SYNJ2: variants seen among roughly 807,000 people sequenced by gnomAD.
The protein encoded by SYNJ2 is synaptojanin 2.
Under a neutral mutation model 141.3 loss-of-function variants are expected in SYNJ2, and 116 were observed. The ratio of observed to expected loss-of-function variants is 0.82; its 90% confidence interval spans 0.71 to 0.96. The LOEUF is 0.96. SYNJ2 is among the 40% of genes least tolerant of loss of function. The probability of loss-of-function intolerance (pLI) is 0.00; values close to 1 mark genes in which losing one functional copy is unlikely to be tolerated. For synonymous variants in SYNJ2, 745 were observed against 777.7 expected, an observed-to-expected ratio of 0.96 and a Z score of 0.70; for missense variants, 1,873 against 1,934.8, an observed-to-expected ratio of 0.97 and a Z score of 0.60.
intron 7 of SYNJ2, chr6:158,059,591 G>A: frequency 8.3e-7 from 1 of 1,211,624 alleles, no homozygotes; most frequent in Non-Finnish European, 1.0e-6. Flanking sequence ...TTTGGCTCTT[G>A]TCGCTCAGGC....
At chr6:158,032,980 A>G (rs1779446750) in intron 3 of SYNJ2, among the ~76,000 whole-genome samples, 1 of 152,246 alleles carries the variant, frequency 6.6e-6, no homozygotes, top group South Asian at 2.1e-4. Context: ...ATATGTGGAT[A>G]ATTTAAATAA....
At chr6:158,059,475 G>A (rs1459424465) in intron 7 of SYNJ2, 122 bp downstream of exon 7, 38 of 1,488,794 alleles carry the variant, frequency 2.6e-5, no homozygotes, top group Non-Finnish European at 2.9e-5. Context: ...TTCGTTTCCT[G>A]AGGCTTCCCC....
chr6:157,991,451 G>T (rs139905260), intron 1 of SYNJ2, among the ~76,000 whole-genome samples: 1 of 152,164 alleles, frequency 6.6e-6, no homozygotes, highest in East Asian at 1.9e-4. Context: ...CCAGGATCTC[G>T]CATCAGCTTG....
At chr6:158,011,986 C>G (rs1404886477) in intron 1 of SYNJ2, among the ~76,000 whole-genome samples, 1 of 152,134 alleles carries the variant, frequency 6.6e-6, no homozygotes, top group African/African-American at 2.4e-5. Flanking sequence ...GCTGATTTAC[C>G]TCTCTGCAGC....
chr6:158,055,185 G>A (rs184047768), intron 6 of SYNJ2, among the ~76,000 whole-genome samples, 157 bp downstream of exon 6: 49 of 152,310 alleles, frequency 3.2e-4, no homozygotes, highest in Admixed American at 2.5e-3. Context: ...GAAGGGAGAT[G>A]ACAAAATGGG....
rs527579427 is a variant in SYNJ2, at chr6:158,033,346, G to A, written c.486-109G>A. 509 of 1,220,022 alleles carry A rather than the reference G, an allele frequency of 4.2e-4. No individual in the cohort carries two copies. The East Asian group carries it at 7.6e-3, about 18-fold the overall frequency. The allele number at this position is 1,220,022 out of a possible 1,614,324, so 75.6% of individuals were successfully genotyped here. ...GGGAGCAGCATGCATTCGCTGACCC[G>A]AAATGCTGCACCGTGCGCCCCCCAG... is the stretch of plus-strand genomic sequence containing the variant. On this transcript the variant is annotated intron_variant, in intron 3 of 26. Transcript: ENST00000355585.
chr6:158,056,358 C>A (rs1420757201), intron 6 of SYNJ2, among the ~76,000 whole-genome samples: 1 of 152,176 alleles, frequency 6.6e-6, no homozygotes, highest in Non-Finnish European at 1.5e-5. Context: ...ATTCCTAAAT[C>A]TAGGGGTACA....
rs1176784842 is a variant in SYNJ2, at chr6:158,063,778, T to G, written c.1128-13T>G. 6.2e-7 allele frequency: 1 copy of G among 1,611,108 alleles called. No homozygotes were observed. Among genetic ancestry groups the G allele is most frequent in the Non-Finnish European group, 8.5e-7 (1 of 1,178,128 alleles). ...AACAACATATAACCGTTTACATTTC[T>G]TCTTGTCCTAAGTTTTCAGAAAGGC... On this transcript the variant is annotated splice_polypyrimidine_tract_variant and intron_variant, in intron 8 of 26. Transcript: ENST00000355585.
intron 4 of SYNJ2, among the ~76,000 whole-genome samples, chr6:158,036,436 T>G (rs542756324): frequency 5.3e-4 from 80 of 152,284 alleles, no homozygotes; most frequent in African/African-American, 1.9e-3. Flanking sequence ...TATGCAGTCA[T>G]GAAAAGGAAT....
intron 1 of SYNJ2, among the ~76,000 whole-genome samples, chr6:157,989,962 G>C (rs1349191731): frequency 6.6e-6 from 1 of 152,182 alleles, no homozygotes; most frequent in Non-Finnish European, 1.5e-5. Context: ...GCCTTGCCCT[G>C]GGGGGCACTG....
At chr6:158,055,051 C>G (rs1780789800) in intron 6 of SYNJ2, 23 bp downstream of exon 6, 1 of 1,612,238 alleles carries the variant, frequency 6.2e-7, no homozygotes, top group Non-Finnish European at 8.5e-7. Context: ...TGACACCATC[C>G]AAGCCTGTCA....
chr6:158,091,748 T>G (rs1783467364), intron 25 of SYNJ2, among the ~76,000 whole-genome samples: 1 of 131,760 alleles, frequency 7.6e-6, no homozygotes. Context: ...AGACTCTGTC[T>G]CATAAAAAAA....
At chr6:158,058,766 AAAAT>A (rs950135289) in intron 6 of SYNJ2, among the ~76,000 whole-genome samples, 2 of 152,214 alleles carry the variant, frequency 1.3e-5, no homozygotes, top group Non-Finnish European at 2.9e-5. Context: ...GTCTCTATGA[AAAAT>A]AAATAAGTAA....
At chr6:158,080,106 C>G (rs1048327505) in intron 18 of SYNJ2, among the ~76,000 whole-genome samples, 1 of 152,138 alleles carries the variant, frequency 6.6e-6, no homozygotes, top group African/African-American at 2.4e-5. Flanking sequence ...CTGTTTACAT[C>G]ATTGATTTTT....
At chr6:158,067,989 G>A in intron 12 of SYNJ2, 2 of 985,290 alleles carry the variant, frequency 2.0e-6, no homozygotes, top group Non-Finnish European at 2.4e-6. Context: ...TTAGCAAGCT[G>A]GCTGGTATTT....
intron 1 of SYNJ2, among the ~76,000 whole-genome samples, chr6:158,011,028 G>C (rs2128324867): frequency 6.6e-6 from 1 of 150,954 alleles, no homozygotes; most frequent in Non-Finnish European, 1.5e-5. Context: ...ATAATGGTGG[G>C]GGGACACATG....
chr6:157,999,383 C>G (rs1312036575), intron 1 of SYNJ2, among the ~76,000 whole-genome samples: 1 of 152,232 alleles, frequency 6.6e-6, no homozygotes, highest in Non-Finnish European at 1.5e-5. Flanking sequence ...TGGCCATGCC[C>G]TGGCACCTGT....
intron 26 of SYNJ2, 95 bp from the exon 27 acceptor site, chr6:158,095,523 C>A: frequency 6.9e-7 from 1 of 1,441,686 alleles, no homozygotes; most frequent in South Asian, 1.5e-5. Context: ...TCAGCTTGGT[C>A]TCATCTCTGT....
At chr6:158,010,778 G>C (rs1472604221) in intron 1 of SYNJ2, among the ~76,000 whole-genome samples, 1 of 152,144 alleles carries the variant, frequency 6.6e-6, no homozygotes, top group Non-Finnish European at 1.5e-5. Context: ...GACAATGGAG[G>C]GACATGTGGG....
Sources: gnomAD v4.1 joint callset for allele counts (sites outside exome capture counted in the v4.1 genomes callset) on GRCh38, gnomAD v4.1.1 for gene constraint, MANE v1.5 for transcripts, NCBI Gene and HGNC (gene_info 2026-07-23, HGNC 2026-07-21) for gene names.